The following ZNF559 variants were observed in gnomAD, a reference collection of about 807,000 sequenced individuals.
ZNF559 encodes putative protein product of Nbla00121.
ZNF559 carries 17 observed loss-of-function variants against 14.2 expected under a neutral mutation model. The observed-to-expected ratio is 1.20, with a 90% CI of 0.82 to 1.80. ZNF559 has a LOEUF of 1.80. ZNF559 is among the 40% of genes most tolerant of loss of function. The probability of loss-of-function intolerance (pLI) is 0.00; values close to 1 mark genes in which losing one functional copy is unlikely to be tolerated. For synonymous variants in ZNF559, 244 were observed against 212.4 expected, an observed-to-expected ratio of 1.15 and a Z score of -1.29; for missense variants, 740 against 629.7, an observed-to-expected ratio of 1.18 and a Z score of -1.88.
At chr19:9,338,272 T>G (rs1041361150) in intron 3 of ZNF559, among the ~76,000 whole-genome samples, 9 of 152,352 alleles carry the variant, frequency 5.9e-5, no homozygotes, top group East Asian at 5.8e-4. Context: ...TGTTAACTTC[T>G]CTGGACTTTG....
At chr19:9,336,241 G>C (rs987928473) in intron 2 of ZNF559, among the ~76,000 whole-genome samples, 17 of 152,052 alleles carry the variant, frequency 1.1e-4, no homozygotes, top group African/African-American at 3.9e-4. Flanking sequence ...GGTGGAGGAT[G>C]ATATTACTTA....
chr19:9,327,148 A>G (rs2066654322), intron 2 of ZNF559, among the ~76,000 whole-genome samples: 1 of 152,194 alleles, frequency 6.6e-6, no homozygotes, highest in South Asian at 2.1e-4. Context: ...TGTTTTTCTT[A>G]TAGTAATCTA....
At chr19:9,334,471 A>T (rs2067116908) in intron 2 of ZNF559, among the ~76,000 whole-genome samples, 1 of 152,198 alleles carries the variant, frequency 6.6e-6, no homozygotes, top group African/African-American at 2.4e-5. Context: ...CATAAACATA[A>T]TGTTGAATCA....
chr19:9,323,833 T>G, upstream of ZNF559: 1 of 326,150 alleles, frequency 3.1e-6, no homozygotes, highest in South Asian at 5.5e-5. Context: ...TTGGGACTCA[T>G]GAAGGTTCTG....
At chr19:9,324,026 C>A, upstream of ZNF559, 1 of 833,442 alleles carries the variant, frequency 1.2e-6, no homozygotes, top group Non-Finnish European at 1.8e-6. Flanking sequence ...GACCCCCTAC[C>A]GGTGACACTT....
At position 9,342,540 on chromosome 19, in the gene ZNF559, T is replaced by C. The variant is rs1474809793; in HGVS notation, c.1089T>C (p.Ala363=). The part of the protein sequence containing the change: ...YECKECGKAF[A]NSSHLTVHMR... The stretch of plus-strand genomic sequence containing the variant: ...GTAAGGAATGTGGGAAAGCTTTTGC[T>C]AACTCTTCACATCTTACTGTACATA... The change falls in exon 7 of 7, where the codon GCT becomes GCC. Residue 363 remains alanine (A), a synonymous_variant. Transcript: ENST00000603380. 1.1e-5 allele frequency: 17 copies of C among 1,613,808 alleles called. No homozygotes were observed. The highest frequency in any genetic ancestry group is 1.7e-5 in the Admixed American group (1 of 59,992).
intron 2 of ZNF559, among the ~76,000 whole-genome samples, chr19:9,329,791 G>A (rs1022089372): frequency 3.3e-5 from 5 of 152,160 alleles, no homozygotes; most frequent in Admixed American, 6.5e-5. Context: ...AGCCTCCTGA[G>A]TAGCTGGAAC....
At chr19:9,332,481 C>A (rs2066991297) in intron 2 of ZNF559, among the ~76,000 whole-genome samples, 1 of 152,138 alleles carries the variant, frequency 6.6e-6, no homozygotes, top group African/African-American at 2.4e-5. Context: ...TTTATCTTCA[C>A]CCCTTTGCCC....
chr19:9,327,484 G>A (rs1000103492), intron 2 of ZNF559, among the ~76,000 whole-genome samples: 3 of 152,082 alleles, frequency 2.0e-5, no homozygotes, highest in Non-Finnish European at 2.9e-5. Context: ...CTTGACCTCA[G>A]GTGATCCTCC....
chr19:9,341,394 A>C, intron 6 of ZNF559: 1 of 754,908 alleles, frequency 1.3e-6, no homozygotes, highest in Non-Finnish European at 2.3e-6. Flanking sequence ...TATTTCCTTC[A>C]ACATTCCCAT....
chr19:9,326,288 G>T (rs1175136645), intron 2 of ZNF559, among the ~76,000 whole-genome samples: 3 of 151,886 alleles, frequency 2.0e-5, no homozygotes, highest in Non-Finnish European at 4.4e-5. Context: ...TGTATTTTTA[G>T]TAGAGACAGG....
intron 2 of ZNF559, among the ~76,000 whole-genome samples, chr19:9,327,129 G>A (rs942275993): frequency 3.9e-5 from 6 of 152,042 alleles, no homozygotes; most frequent in African/African-American, 1.4e-4. Flanking sequence ...ACTCATCTCT[G>A]TATAGTCATG....
chr19:9,339,574 A>G (rs1017520392), intron 5 of ZNF559, among the ~76,000 whole-genome samples: 1 of 152,146 alleles, frequency 6.6e-6, no homozygotes, highest in Non-Finnish European at 1.5e-5. Flanking sequence ...CCTGGGTTTC[A>G]TGGGAAGGAT....
intron 5 of ZNF559, 148 bp from the exon 6 acceptor site, chr19:9,340,954 T>C: frequency 3.0e-6 from 2 of 670,530 alleles, no homozygotes; most frequent in Admixed American, 6.1e-5. Context: ...TCCAAATTTC[T>C]CAATTTATGT....
intron 6 of ZNF559, chr19:9,341,443 G>C: frequency 1.3e-6 from 1 of 781,500 alleles, no homozygotes; most frequent in Non-Finnish European, 2.2e-6. Context: ...TTCACTCTTG[G>C]GCCGTTATCA....
chr19:9,334,250 C>CAA (rs1184789959), intron 2 of ZNF559, among the ~76,000 whole-genome samples: 2 of 152,186 alleles, frequency 1.3e-5, no homozygotes, highest in Non-Finnish European at 2.9e-5. Flanking sequence ...ATTTGGATTT[C>CAA]AGATTTCTTC....
At chr19:9,326,848 A>G (rs77128017) in intron 2 of ZNF559, among the ~76,000 whole-genome samples, 2 of 152,260 alleles carry the variant, frequency 1.3e-5, no homozygotes, top group East Asian at 3.8e-4. Context: ...AAAATTAACT[A>G]TTGAAAAAGT....
At chr19:9,340,293 G>A (rs1048333572) in intron 5 of ZNF559, among the ~76,000 whole-genome samples, 5 of 152,038 alleles carry the variant, frequency 3.3e-5, no homozygotes, top group Non-Finnish European at 7.4e-5. Flanking sequence ...TAAGTAGGAA[G>A]GTTTTGAAAG....
intron 1 of ZNF559, 72 bp from the exon 2 acceptor site, chr19:9,324,623 C>T (rs1481343742): frequency 3.0e-6 from 3 of 1,001,520 alleles, no homozygotes; most frequent in African/African-American, 2.4e-5. Flanking sequence ...GGGAGACCCC[C>T]CCCCCCAACC....
Sources: allele counts gnomAD v4.1 joint callset (sites outside exome capture counted in the v4.1 genomes callset), GRCh38; gene constraint gnomAD v4.1.1; transcripts MANE v1.5; gene names NCBI Gene and HGNC (gene_info 2026-07-23, HGNC 2026-07-21).